The following PDCD6IP variants were observed in gnomAD, a reference collection of about 807,000 sequenced individuals.
The protein encoded by PDCD6IP is programmed cell death 6-interacting protein.
In PDCD6IP, 43 loss-of-function variants were observed where a neutral mutation model predicts 103.7. The ratio of observed to expected loss-of-function variants is 0.41; its 90% confidence interval spans 0.32 to 0.53. The LOEUF (loss-of-function observed/expected upper bound fraction) is 0.53. PDCD6IP is among the 20% of genes least tolerant of loss of function. The probability of loss-of-function intolerance (pLI) is 0.16; values close to 1 mark genes in which losing one functional copy is unlikely to be tolerated. For synonymous variants in PDCD6IP, 354 were observed against 378.7 expected, an observed-to-expected ratio of 0.93 and a Z score of 0.76; for missense variants, 871 against 1,036.7, an observed-to-expected ratio of 0.84 and a Z score of 2.20.
intron 9 of PDCD6IP, among the ~76,000 whole-genome samples, chr3:33,838,901 G>A (rs1365908559): frequency 6.6e-6 from 1 of 151,922 alleles, no homozygotes; most frequent in Non-Finnish European, 1.5e-5. Context: ...AACCTTCTGG[G>A]CTCAGGTGAT....
chr3:33,866,157 T>C (rs921644910), intron 17 of PDCD6IP, among the ~76,000 whole-genome samples, 194 bp from the exon 18 acceptor site: 3 of 152,204 alleles, frequency 2.0e-5, no homozygotes, highest in African/African-American at 7.2e-5. Flanking sequence ...TGGTACTCTT[T>C]TGTTTTAATT....
chr3:33,805,865 C>G (rs1485303021), intron 1 of PDCD6IP, among the ~76,000 whole-genome samples: 1 of 152,126 alleles, frequency 6.6e-6, no homozygotes, highest in Non-Finnish European at 1.5e-5. Context: ...CTGCCTCAGC[C>G]TACCATGTAG....
chr3:33,858,626 C>T (rs1432292992), intron 15 of PDCD6IP, among the ~76,000 whole-genome samples: 7 of 151,998 alleles, frequency 4.6e-5, no homozygotes, highest in Non-Finnish European at 7.4e-5. Flanking sequence ...CTGGCTAACA[C>T]GGTGAAACCC....
intron 1 of PDCD6IP, among the ~76,000 whole-genome samples, chr3:33,803,096 T>A (rs1192577759): frequency 6.6e-6 from 1 of 152,256 alleles, no homozygotes; most frequent in Non-Finnish European, 1.5e-5. Context: ...CCGTTCTTTT[T>A]GTCCATGTTC....
At chr3:33,841,060 C>T (rs1697458111) in intron 9 of PDCD6IP, among the ~76,000 whole-genome samples, 1 of 149,326 alleles carries the variant, frequency 6.7e-6, no homozygotes, top group South Asian at 2.1e-4. Flanking sequence ...CGGAGTCTCA[C>T]TCTGTCGCCC....
intron 1 of PDCD6IP, among the ~76,000 whole-genome samples, chr3:33,804,610 CT>C (rs1696550479): frequency 6.6e-6 from 1 of 152,150 alleles, no homozygotes; most frequent in African/African-American, 2.4e-5. Flanking sequence ...TGTGTTTTGA[CT>C]TTTCTGGTGT....
At chr3:33,799,319 G>A (rs1696415068) in intron 1 of PDCD6IP, 1 of 191,152 alleles carries the variant, frequency 5.2e-6, no homozygotes. Flanking sequence ...TCTTTCTTGG[G>A]CCACATTTTG....
intron 6 of PDCD6IP, 35 bp downstream of exon 6, chr3:33,826,615 T>C (rs111356602): frequency 1.2e-6 from 2 of 1,608,548 alleles, no homozygotes; most frequent in Non-Finnish European, 8.5e-7. Context: ...TTGCTTACTT[T>C]GCATGTGAAA....
intron 1 of PDCD6IP, among the ~76,000 whole-genome samples, chr3:33,807,760 G>C (rs866957646): frequency 2.6e-5 from 4 of 152,204 alleles, no homozygotes; most frequent in Admixed American, 6.5e-5. Context: ...AGGCAAAAAA[G>C]GTACAGGGCA....
intron 15 of PDCD6IP, among the ~76,000 whole-genome samples, chr3:33,857,817 T>C (rs556840906): frequency 2.6e-5 from 4 of 152,322 alleles, no homozygotes; most frequent in Admixed American, 1.3e-4. Context: ...TGTGTATATA[T>C]TTCTGCCCAA....
At chr3:33,811,461 C>A (rs764622226) in intron 1 of PDCD6IP, among the ~76,000 whole-genome samples, 1 of 152,204 alleles carries the variant, frequency 6.6e-6, no homozygotes, top group Admixed American at 6.5e-5. Context: ...ACCCTTTTCT[C>A]CTCCTTTCCC....
intron 12 of PDCD6IP, among the ~76,000 whole-genome samples, chr3:33,848,296 C>A (rs1697638490): frequency 6.6e-6 from 1 of 152,132 alleles, no homozygotes. Context: ...GTAAATGTAT[C>A]AAGTTTCTGC....
chr3:33,832,172 A>G (rs557913836), intron 7 of PDCD6IP, among the ~76,000 whole-genome samples: 16 of 152,292 alleles, frequency 1.1e-4, no homozygotes, highest in Non-Finnish European at 1.9e-4. Flanking sequence ...TCAGGGTGCC[A>G]GTATGGTCAT....
In PDCD6IP at chr3:33,863,986, A is replaced by G. The variant is rs749795746; in HGVS notation, c.2121-20A>G. ...ATTTTTTTCTATCATGTTAATTTTT[A>G]ACACTCTGTCTTTGATAAGGGACTT... On this transcript the variant is annotated intron_variant, in intron 15 of 17. Coordinates refer to ENST00000307296, the MANE Select transcript of PDCD6IP (RefSeq NM_013374.6). 3.3e-5 allele frequency: 52 copies of G among 1,552,574 alleles called. No individual in the cohort carries two copies. The highest frequency in any genetic ancestry group is 3.4e-4 in the Middle Eastern group (2 of 5,922).
At chr3:33,852,465 A>G in intron 12 of PDCD6IP, 23 bp from the exon 13 acceptor site, 1 of 1,344,972 alleles carries the variant, frequency 7.4e-7, no homozygotes, top group Non-Finnish European at 9.6e-7. Context: ...TTGCAGTTAA[A>G]CTAAGGTGTC....
At position 33,845,481 on chromosome 3, in the gene PDCD6IP, T is replaced by C; in HGVS notation, c.1534T>C (p.Cys512Arg). Residue 512 changes from cysteine (C) to arginine (R), a missense_variant, in exon 12 of 18, where the codon TGT becomes CGT. This residue lies in a region of PDCD6IP where 266 missense variants were observed against 390.5 expected (regional missense o/e 0.68). Transcript: ENST00000307296. ...GCAGGCAGATGGACAAGTGAAAGAA[T>C]GTTACCAGTCTCATCGTGACACCAT... ...AVQADGQVKE[C>R]YQSHRDTIVL... 1 of 1,613,898 alleles carries C rather than the reference T, an allele frequency of 6.2e-7. No homozygotes were observed. The highest frequency in any genetic ancestry group is 8.5e-7 in the Non-Finnish European group (1 of 1,179,764).
At position 33,826,833 on chromosome 3, in the gene PDCD6IP, T is replaced by C. The variant is rs768283420; in HGVS notation, c.717+253T>C. 1.5e-4 allele frequency: 193 copies of C among 1,248,846 alleles called. No individual in the cohort carries two copies. In the Middle Eastern group the frequency reaches 5.0e-3, roughly 32 times the overall value. The allele number at this position is 1,248,846 out of a possible 1,614,324, so 77.4% of individuals were successfully genotyped here. On this transcript the variant is annotated intron_variant, in intron 6 of 17. Coordinates refer to ENST00000307296, the MANE Select transcript of PDCD6IP (RefSeq NM_013374.6). ...CCAAGCTAGAACTCTTTCTGGAAAA[T>C]GTTGACCATCTGTTTTCAATACTTT...
intron 9 of PDCD6IP, among the ~76,000 whole-genome samples, chr3:33,840,046 T>A (rs11716821): frequency 0.073 from 11,085 of 152,230 alleles, 578 homozygotes; most frequent in Non-Finnish European, 0.11. Flanking sequence ...AACATGGGGT[T>A]ATGGATGCTG....
chr3:33,806,105 T>C (rs1356910506), intron 1 of PDCD6IP, among the ~76,000 whole-genome samples: 1 of 152,102 alleles, frequency 6.6e-6, no homozygotes, highest in Non-Finnish European at 1.5e-5. Flanking sequence ...CAAAGAAATG[T>C]ATTTATTTCC....
Sources: allele counts gnomAD v4.1 joint callset (sites outside exome capture counted in the v4.1 genomes callset), GRCh38; gene constraint gnomAD v4.1.1; regional missense constraint gnomAD v4.1.1; transcripts MANE v1.5; gene names NCBI Gene and HGNC (gene_info 2026-07-23, HGNC 2026-07-21).